The following EFL1 variants were observed in gnomAD, a reference collection of about 807,000 sequenced individuals.
EFL1 encodes the protein elongation factor like GTPase 1, also known as elongation factor-like GTPase 1.
EFL1 carries 76 observed loss-of-function variants against 126.7 expected under a neutral mutation model. The observed-to-expected ratio is 0.60, with a 90% CI of 0.50 to 0.73. EFL1 has a LOEUF of 0.73. EFL1 is among the 30% of genes least tolerant of loss of function. The pLI is 0.00. For missense variants in EFL1, 1,128 were observed against 1,343.2 expected, an observed-to-expected ratio of 0.84 and a Z score of 2.50; for synonymous variants, 410 against 448.4, an observed-to-expected ratio of 0.91 and a Z score of 1.08.
At chr15:82,237,722 C>T (rs62012049) in intron 7 of EFL1, among the ~76,000 whole-genome samples, 23,522 of 148,298 alleles carry the variant, frequency 0.16, 2,380 homozygotes, top group Non-Finnish European at 0.24. Flanking sequence ...TTTATAGCAG[C>T]TTTACTCATA....
chr15:82,193,184 G>A (rs1367245138), intron 15 of EFL1, among the ~76,000 whole-genome samples: 2 of 152,094 alleles, frequency 1.3e-5, no homozygotes, highest in Non-Finnish European at 2.9e-5. Context: ...CTAGGATTTT[G>A]CTATAGTTTG....
At chr15:82,234,359 A>C (rs1404266689) in intron 7 of EFL1, among the ~76,000 whole-genome samples, 1 of 152,198 alleles carries the variant, frequency 6.6e-6, no homozygotes, top group Non-Finnish European at 1.5e-5. Context: ...GTTTTTTCAG[A>C]TAAGTAAACT....
At chr15:82,216,271 A>G (rs2074645560) in intron 14 of EFL1, among the ~76,000 whole-genome samples, 1 of 152,212 alleles carries the variant, frequency 6.6e-6, no homozygotes, top group Non-Finnish European at 1.5e-5. Flanking sequence ...TCATGGATGG[A>G]AAGATGCTGT....
chr15:82,231,922 T>C (rs967305566), intron 7 of EFL1, among the ~76,000 whole-genome samples: 7 of 152,302 alleles, frequency 4.6e-5, no homozygotes, highest in Admixed American at 4.6e-4. Flanking sequence ...CCTAAAAAGA[T>C]TCAGGCCTCC....
In EFL1 at chr15:82,240,400, T is replaced by C. The variant is rs78141212; in HGVS notation, c.516+18A>G. The C allele has an allele frequency of 6.3e-5, 97 of 1,551,826 alleles. No individual in the cohort carries two copies. In the East Asian group the frequency reaches 1.1e-3, roughly 18 times the overall value. On this transcript the variant is annotated intron_variant, in intron 6 of 19. Coordinates refer to ENST00000268206, the MANE Select transcript of EFL1 (RefSeq NM_024580.6). ...CTTCTTCGTGGCTAAATTTTTTAAA[T>C]ACTAAAAATTAAAATACCTGTTCTA...
intron 15 of EFL1, among the ~76,000 whole-genome samples, chr15:82,198,231 T>C (rs1479561841): frequency 6.6e-6 from 1 of 152,124 alleles, no homozygotes; most frequent in Admixed American, 6.5e-5. Flanking sequence ...CTGCTAGAGC[T>C]GGAACATTGC....
intron 15 of EFL1, among the ~76,000 whole-genome samples, chr15:82,167,531 G>T (rs1018780458): frequency 6.6e-6 from 1 of 152,046 alleles, no homozygotes; most frequent in African/African-American, 2.4e-5. Context: ...TATGATATGA[G>T]ACTGAAAAAA....
chr15:82,186,192 T>C (rs1352921295), intron 15 of EFL1, among the ~76,000 whole-genome samples: 2 of 152,204 alleles, frequency 1.3e-5, no homozygotes, highest in East Asian at 3.8e-4. Context: ...CTCAGAGTTT[T>C]GGAATCACAT....
intron 3 of EFL1, among the ~76,000 whole-genome samples, chr15:82,253,170 G>C (rs1040135280): frequency 6.6e-6 from 1 of 151,900 alleles, no homozygotes; most frequent in African/African-American, 2.4e-5. Context: ...CTCCCAAACA[G>C]CTGAGATTAC....
Position 82,138,687 on chromosome 15 carries a change from T to A in EFL1, c.3145A>T (p.Ser1049Cys), listed in dbSNP as rs1426989509. The A allele has an allele frequency of 6.2e-7, 1 of 1,613,956 alleles. No individual in the cohort carries two copies. The change falls in exon 19 of 20, where the codon AGC (serine) becomes TGC (cysteine). Residue 1049 changes from serine (S) to cysteine (C), a missense_variant. Transcript: ENST00000268206. Reference protein sequence around the residue: ...EIRKRTSGLASPQLVFSHWEI... With the variant: ...EIRKRTSGLACPQLVFSHWEI... ...CAATGGCTGAATACTAGTTGTGGGC[T>A]GGCCAGGCCACTTGTCCTCTTCCTG...
intron 19 of EFL1, among the ~76,000 whole-genome samples, chr15:82,135,653 T>C (rs933246753): frequency 6.6e-6 from 1 of 152,142 alleles, no homozygotes; most frequent in Non-Finnish European, 1.5e-5. Flanking sequence ...AAACAGACAA[T>C]AGGCCATAGA....
At chr15:82,195,625 C>T (rs1020624623) in intron 15 of EFL1, among the ~76,000 whole-genome samples, 26 of 152,154 alleles carry the variant, frequency 1.7e-4, no homozygotes, top group African/African-American at 5.6e-4. Flanking sequence ...AGAAGCTAAA[C>T]GCCAACAAAC....
intron 15 of EFL1, among the ~76,000 whole-genome samples, chr15:82,174,873 C>G (rs1595960542): frequency 6.6e-6 from 1 of 152,226 alleles, no homozygotes; most frequent in African/African-American, 2.4e-5. Flanking sequence ...TCTACGAAGT[C>G]AATTCAGGAA....
chr15:82,236,874 T>C (rs1338235693), intron 7 of EFL1, among the ~76,000 whole-genome samples: 4 of 152,214 alleles, frequency 2.6e-5, no homozygotes, highest in Non-Finnish European at 4.4e-5. Flanking sequence ...CTGGGAGCAG[T>C]GGCTCATGCC....
intron 15 of EFL1, among the ~76,000 whole-genome samples, chr15:82,169,128 G>A (rs548639924): frequency 1.3e-5 from 2 of 152,270 alleles, no homozygotes; most frequent in East Asian, 3.9e-4. Flanking sequence ...GGTTCTCAGT[G>A]TGGGGGTCTA....
intron 7 of EFL1, among the ~76,000 whole-genome samples, chr15:82,233,367 A>T (rs1413853834): frequency 6.6e-6 from 1 of 152,216 alleles, no homozygotes; most frequent in East Asian, 1.9e-4. Flanking sequence ...ACTGCAAGCA[A>T]GATTCTAAGA....
Position 82,152,359 on chromosome 15 carries a change from G to C in EFL1, c.2095C>G (p.Pro699Ala). ...TCATTGACCATGTCAACTTTTGGGG[G>C]TTTTGTGATTGTTTCTCTGAATGGA... is the stretch of plus-strand genomic sequence containing the variant. ...IIPFRETITK[P>A]PKVDMVNEEI... Residue 699 changes from proline (P) to alanine (A), a missense_variant, in exon 18 of 20, where the codon CCC becomes GCC. This residue lies in a region of EFL1 where 561 missense variants were observed against 641.7 expected (regional missense o/e 0.87). Transcript: ENST00000268206. 1 of 1,613,600 alleles carries C rather than the reference G, an allele frequency of 6.2e-7. No homozygotes were observed. The highest frequency in any genetic ancestry group is 1.1e-5 in the South Asian group (1 of 91,076).
At chr15:82,226,810 G>A (rs1472635448) in intron 11 of EFL1, among the ~76,000 whole-genome samples, 1 of 152,182 alleles carries the variant, frequency 6.6e-6, no homozygotes, top group African/African-American at 2.4e-5. Flanking sequence ...AACCTTGCTT[G>A]AGGCACCCCA....
intron 8 of EFL1, among the ~76,000 whole-genome samples, chr15:82,230,596 CT>C (rs1322852972): frequency 2.0e-5 from 3 of 150,776 alleles, no homozygotes; most frequent in Non-Finnish European, 4.4e-5. Context: ...TTTTGGTCTT[CT>C]GAAAAAAAAA....
Sources: allele counts gnomAD v4.1 joint callset (sites outside exome capture counted in the v4.1 genomes callset), GRCh38; gene constraint gnomAD v4.1.1; regional missense constraint gnomAD v4.1.1; transcripts MANE v1.5; gene names NCBI Gene and HGNC (gene_info 2026-07-23, HGNC 2026-07-21).